KDM4B: variants seen among roughly 807,000 people sequenced by gnomAD.
KDM4B encodes lysine demethylase 4B.
A neutral mutation model predicts 125.2 loss-of-function variants in KDM4B; 32 were observed. The ratio of observed to expected loss-of-function variants is 0.26; its 90% CI spans 0.19 to 0.34. The LOEUF (loss-of-function observed/expected upper bound fraction) is 0.34. Ranked by LOEUF, KDM4B falls within the 10% of genes least tolerant of loss-of-function variation. The pLI, the probability that KDM4B is intolerant of heterozygous loss-of-function variation, is 1.00. For missense variants in KDM4B, 1,190 were observed against 1,577.7 expected, an observed-to-expected ratio of 0.75 and a Z score of 4.16; for synonymous variants, 721 against 677.9, an observed-to-expected ratio of 1.06 and a Z score of -0.99.
intron 9 of KDM4B, among the ~76,000 whole-genome samples, chr19:5,086,492 G>T (rs1185824133): frequency 6.6e-6 from 1 of 152,232 alleles, no homozygotes; most frequent in African/African-American, 2.4e-5. Flanking sequence ...CCACACTCTG[G>T]CATGGAGGTG....
At position 4,974,986 on chromosome 19, in the gene KDM4B, A is replaced by T. The variant is rs78862205; in HGVS notation, c.-109+5756A>T. Among the ~76,000 whole-genome samples, 977 of 151,960 alleles carry T rather than the reference A, an allele frequency of 6.4e-3. 84 individuals carry two copies. In the East Asian group the frequency reaches 0.16, roughly 26 times the overall value. On this transcript the variant is annotated intron_variant, in intron 1 of 22. Transcript: ENST00000159111. ...TTCCCTGCCCGCCCTTCCCTGCCGC[A>T]GGACCTGTGCACTTGCTGTGCCCGC...
chr19:5,122,373 G>GA (rs888884548), intron 11 of KDM4B, among the ~76,000 whole-genome samples: 1 of 152,202 alleles, frequency 6.6e-6, no homozygotes, highest in African/African-American at 2.4e-5. Flanking sequence ...AGTCCCACCT[G>GA]AATATTCCTT....
rs915458148 is a variant in KDM4B, at chr19:4,978,762, C to T, written c.-109+9532C>T. Among the ~76,000 whole-genome samples the T allele has an allele frequency of 3.9e-5, 6 of 152,206 alleles. No individual in the cohort carries two copies. The South Asian group carries it at 6.2e-4, about 16-fold the overall frequency. On this transcript the variant is annotated intron_variant, in intron 1 of 22. Transcript: ENST00000159111. Reference sequence around the variant, plus strand: ...GCGCGGGAGGAGGGATGGGCTGCAGCGAGCGGGTGTGGTCAGGCCCAGGCT... The same window carrying T: ...GCGCGGGAGGAGGGATGGGCTGCAGTGAGCGGGTGTGGTCAGGCCCAGGCT...
chr19:5,079,296 A>G (rs959702074), intron 8 of KDM4B: 3 of 152,192 alleles, frequency 2.0e-5, no homozygotes, highest in African/African-American at 7.2e-5. Flanking sequence ...AAGCCTATTC[A>G]TCATCCCAAC....
At chr19:5,068,989 A>G (rs1411813815) in intron 6 of KDM4B, among the ~76,000 whole-genome samples, 1 of 152,226 alleles carries the variant, frequency 6.6e-6, no homozygotes, top group Non-Finnish European at 1.5e-5. Context: ...CGTCCCCAGC[A>G]TCTTCCCAGA....
chr19:5,045,086 G>A (rs1225621494), intron 5 of KDM4B, among the ~76,000 whole-genome samples: 1 of 152,164 alleles, frequency 6.6e-6, no homozygotes, highest in African/African-American at 2.4e-5. Flanking sequence ...GCTGGACCAC[G>A]TGGTGAGAGG....
intron 6 of KDM4B, among the ~76,000 whole-genome samples, chr19:5,052,326 G>A (rs2037253948): frequency 7.1e-6 from 1 of 141,072 alleles, no homozygotes; most frequent in Non-Finnish European, 1.5e-5. Flanking sequence ...GCGCATGTGT[G>A]CACCGAGGAA....
At chr19:5,036,466 A>G (rs2036629557) in intron 3 of KDM4B, among the ~76,000 whole-genome samples, 1 of 152,148 alleles carries the variant, frequency 6.6e-6, no homozygotes, top group African/African-American at 2.4e-5. Context: ...AGGTGAGAGG[A>G]GCCCTGGAAG....
At chr19:5,107,313 GAC>G (rs747843795) in intron 9 of KDM4B, among the ~76,000 whole-genome samples, 17 of 152,228 alleles carry the variant, frequency 1.1e-4, no homozygotes, top group Non-Finnish European at 2.9e-5. Context: ...AGAAACTAAT[GAC>G]ACAGCCAGAT....
At chr19:5,049,323 C>T (rs1387375986) in intron 6 of KDM4B, among the ~76,000 whole-genome samples, 1 of 152,092 alleles carries the variant, frequency 6.6e-6, no homozygotes, top group Admixed American at 6.5e-5. Context: ...GTGCCGCAGG[C>T]GTCCAGCTGC....
At chr19:5,147,285 C>A (rs959981897) in intron 21 of KDM4B, among the ~76,000 whole-genome samples, 1 of 152,234 alleles carries the variant, frequency 6.6e-6, no homozygotes, top group Non-Finnish European at 1.5e-5. Context: ...ACAAGGGAGA[C>A]TCAGGGTGGG....
intron 10 of KDM4B, among the ~76,000 whole-genome samples, chr19:5,118,479 G>A (rs1455839337): frequency 6.6e-6 from 1 of 152,160 alleles, no homozygotes; most frequent in Non-Finnish European, 1.5e-5. Flanking sequence ...GCAGCTGCAG[G>A]GGGTGGGCCT....
intron 8 of KDM4B, among the ~76,000 whole-genome samples, chr19:5,080,174 A>G (rs2145861717): frequency 6.6e-6 from 1 of 152,370 alleles, no homozygotes; most frequent in Middle Eastern, 3.4e-3. Flanking sequence ...TAATTATTTG[A>G]AAAGAAAAAT....
intron 6 of KDM4B, among the ~76,000 whole-genome samples, chr19:5,061,378 T>A (rs2037592297): frequency 6.6e-6 from 1 of 152,200 alleles, no homozygotes; most frequent in Non-Finnish European, 1.5e-5. Flanking sequence ...TCTTGTCCCG[T>A]AAAACGATCC....
intron 1 of KDM4B, among the ~76,000 whole-genome samples, chr19:4,985,561 G>A (rs2034798256): frequency 6.6e-6 from 1 of 152,276 alleles, no homozygotes. Flanking sequence ...TGCTGTGCAG[G>A]CTGGGGCTGC....
intron 1 of KDM4B, 59 bp downstream of exon 1, chr19:4,969,289 G>GC (rs1172539971): frequency 2.7e-5 from 4 of 146,434 alleles, no homozygotes; most frequent in Non-Finnish European, 6.1e-5. Context: ...CGCCATGGCC[G>GC]CCCCCGCGTC....
intron 6 of KDM4B, among the ~76,000 whole-genome samples, chr19:5,053,275 GC>G (rs1248292773): frequency 6.6e-6 from 1 of 152,236 alleles, no homozygotes; most frequent in Non-Finnish European, 1.5e-5. Context: ...CCGCTGCGGT[GC>G]CCTGGGAGGT....
chr19:5,027,063 G>C (rs1290430840), intron 2 of KDM4B, among the ~76,000 whole-genome samples: 1 of 152,260 alleles, frequency 6.6e-6, no homozygotes, highest in African/African-American at 2.4e-5. Context: ...CCGAGGCCCA[G>C]AGTCCCGTGA....
chr19:5,040,891 C>T lies in KDM4B; in HGVS notation c.318-246C>T, dbSNP rs148191949. Among the ~76,000 whole-genome samples, 572 of 152,370 alleles carry T rather than the reference C, an allele frequency of 3.8e-3. 1 individual carries two copies. The highest frequency in any genetic ancestry group is 5.8e-3 in the Non-Finnish European group (394 of 68,036). On this transcript the variant is annotated intron_variant, in intron 4 of 22. Coordinates refer to ENST00000159111, the MANE Select transcript of KDM4B (RefSeq NM_015015.3). ...CTGCCCACTCCCCCTGGCGTGTGTT[C>T]TGATGTGGGTGCCCCGGGCCAGGAT...
Sources: allele counts gnomAD v4.1 joint callset (sites outside exome capture counted in the v4.1 genomes callset), GRCh38; gene constraint gnomAD v4.1.1; transcripts MANE v1.5; gene names NCBI Gene and HGNC (gene_info 2026-07-23, HGNC 2026-07-21).